Variants in EML5 observed in about 807,000 individuals in gnomAD.
EML5 encodes the protein echinoderm microtubule-associated protein-like 5.
A neutral mutation model predicts 250.0 loss-of-function variants in EML5; 120 were observed. That is an observed-to-expected ratio of 0.48 (90% CI 0.41 to 0.56). EML5 has a LOEUF of 0.56. EML5 is among the 20% of genes least tolerant of loss of function. EML5 has a pLI of 0.00. For missense variants in EML5, 2,006 were observed against 2,437.6 expected (o/e 0.82, Z 3.73); for synonymous variants, 771 against 806.5 (o/e 0.96, Z 0.75).
At chr14:88,714,223 T>C (rs111535729) in intron 9 of EML5, among the ~76,000 whole-genome samples, 1 of 152,172 alleles carries the variant, frequency 6.6e-6, no homozygotes, top group African/African-American at 2.4e-5. Context: ...GTTCCACCCA[T>C]AAAAATGGCA....
chr14:88,765,493 C>G (rs542092297), intron 1 of EML5, among the ~76,000 whole-genome samples: 1 of 152,164 alleles, frequency 6.6e-6, no homozygotes, highest in African/African-American at 2.4e-5. Context: ...TTGAATCTTT[C>G]TGACTTCTGC....
intron 8 of EML5, among the ~76,000 whole-genome samples, chr14:88,724,393 T>C (rs2093636797): frequency 6.6e-6 from 1 of 152,044 alleles, no homozygotes. Flanking sequence ...AAGAAGACCA[T>C]TTTGTGAGTT....
chr14:88,786,715 G>A lies in EML5; in HGVS notation c.197+5592C>T, dbSNP rs1032427919. ...TCACGAGATCTGATGGTTTCATCAG[G>A]GGTTTCGGCTTTTGCATCTTCCTCA... On this transcript the variant is annotated intron_variant, in intron 1 of 43. Transcript: ENST00000554922. 1.8e-4 allele frequency among the ~76,000 whole-genome samples: 27 copies of A among 152,068 alleles called. 1 individual carries two copies. Among genetic ancestry groups the A allele is most frequent in the Admixed American group, 9.8e-4 (15 of 15,248 alleles).
Position 88,661,888 on chromosome 14 carries a change from C to G in EML5, c.3499-58G>C, listed in dbSNP as rs973799828. The G allele has an allele frequency of 2.7e-5, 39 of 1,442,300 alleles. No homozygotes were observed. The Admixed American group carries it at 8.7e-4, about 32-fold the overall frequency. 89.3% of individuals were successfully genotyped at this position (1,442,300 alleles called of 1,614,324 possible). On this transcript the variant is annotated intron_variant, in intron 24 of 43. Transcript: ENST00000554922. The stretch of plus-strand genomic sequence containing the variant: ...TTATCCAAACCTAAAGTATTAACAA[C>G]CAAAATGTAAACATTTTTCTTTGTA...
At position 88,681,856 on chromosome 14, in the gene EML5, G is replaced by T. The variant is rs765975657; in HGVS notation, c.3124+34C>A. On this transcript the variant is annotated intron_variant, in intron 21 of 43. Coordinates refer to ENST00000554922, the MANE Select transcript of EML5 (RefSeq NM_183387.3). ...TTGTAAAGGTTAGAAAACTGTGAGA[G>T]CTTAATCTACGTTCAAGTGTGAGAG... 4.5e-6 allele frequency: 7 copies of T among 1,561,266 alleles called. No homozygotes were observed. The South Asian group carries it at 6.1e-5, about 14-fold the overall frequency.
At position 88,612,875 on chromosome 14, in the gene EML5, G is replaced by C. The variant is rs1233106707; in HGVS notation, c.*2943C>G. The C allele has an allele frequency of 6.6e-6, 1 of 152,170 alleles. No homozygotes were observed. The allele number at this position is 152,170 out of a possible 1,614,324, so 9.4% of individuals were successfully genotyped here. The stretch of plus-strand genomic sequence containing the variant: ...AACAGATCACTGATTTCAAAGACTT[G>C]GTGTATAGTGTTAAAAATTAAAGCT... On this transcript the variant is annotated 3_prime_UTR_variant, in exon 44 of 44. Coordinates refer to ENST00000554922, the MANE Select transcript of EML5 (RefSeq NM_183387.3).
intron 33 of EML5, among the ~76,000 whole-genome samples, chr14:88,630,764 T>C (rs2090396646): frequency 6.6e-6 from 1 of 152,204 alleles, no homozygotes; most frequent in African/African-American, 2.4e-5. Context: ...ATTTTTTTGC[T>C]TCTTTCCCAC....
intron 1 of EML5, among the ~76,000 whole-genome samples, chr14:88,788,734 G>C (rs531775494): frequency 3.3e-5 from 5 of 152,030 alleles, no homozygotes; most frequent in Non-Finnish European, 7.4e-5. Flanking sequence ...TTTGCTTACG[G>C]GAAGTACCTA....
chr14:88,616,918 T>G (rs760967063), intron 41 of EML5, 39 bp from the exon 42 acceptor site: 2 of 1,598,438 alleles, frequency 1.3e-6, no homozygotes, highest in African/African-American at 1.3e-5. Context: ...TCATGGCAAG[T>G]GCGGGCAGGT....
At chr14:88,734,815 A>G (rs113905377) in intron 7 of EML5, among the ~76,000 whole-genome samples, 10 of 152,318 alleles carry the variant, frequency 6.6e-5, no homozygotes, top group African/African-American at 2.2e-4. Context: ...CAAATCCAGA[A>G]TGTGGGAAAC....
intron 36 of EML5, 153 bp from the exon 37 acceptor site, chr14:88,622,871 C>A: frequency 2.0e-6 from 1 of 498,134 alleles, no homozygotes; most frequent in Non-Finnish European, 3.5e-6. Context: ...CTTTCTATGG[C>A]AATTTGAGGA....
At chr14:88,755,658 C>A (rs181475944) in intron 1 of EML5, among the ~76,000 whole-genome samples, 4 of 152,026 alleles carry the variant, frequency 2.6e-5, no homozygotes, top group South Asian at 2.1e-4. Flanking sequence ...CCTGGCATCA[C>A]GGTGGAGAAT....
At chr14:88,627,286 A>G (rs997550404) in intron 34 of EML5, 15 of 543,974 alleles carry the variant, frequency 2.8e-5, no homozygotes, top group Non-Finnish European at 4.9e-5. Flanking sequence ...AAAGTGTGGT[A>G]GGTAATATTA....
intron 36 of EML5, 177 bp from the exon 37 acceptor site, chr14:88,622,895 A>G (rs1144913): frequency 0.39 from 168,807 of 429,184 alleles, 38,004 homozygotes; most frequent in Middle Eastern, 0.48. Flanking sequence ...ACTATATCTC[A>G]GTCAAAATAA....
chr14:88,646,738 TAA>T (rs1238288232), intron 29 of EML5, among the ~76,000 whole-genome samples: 2 of 152,134 alleles, frequency 1.3e-5, no homozygotes, highest in Non-Finnish European at 2.9e-5. Context: ...GTTGAATGGA[TAA>T]GTTTTAGTAA....
At position 88,644,484 on chromosome 14, in the gene EML5, C is replaced by T. The variant is rs781055275; in HGVS notation, c.4056G>A (p.Gln1352=). The T allele has an allele frequency of 5.0e-6, 8 of 1,613,684 alleles. No individual in the cohort carries two copies. In the Admixed American group the frequency reaches 1.3e-4, roughly 27 times the overall value. The stretch of plus-strand genomic sequence containing the variant: ...CATTGTTTGTCTGGAGTTTCTCTGG[C>T]TGTGGTGGGGCCCTGCTCACTGGAG... The part of the protein sequence containing the change: ...SRPPVSRAPP[Q]PEKLQTNNVG... Residue 1352 remains glutamine, a synonymous_variant, in exon 30 of 44, where the codon CAG becomes CAA. Coordinates refer to ENST00000554922, the MANE Select transcript of EML5 (RefSeq NM_183387.3).
intron 1 of EML5, among the ~76,000 whole-genome samples, chr14:88,769,007 C>T (rs1186202671): frequency 1.3e-5 from 2 of 152,174 alleles, no homozygotes; most frequent in African/African-American, 2.4e-5. Context: ...GCAATATCAT[C>T]TCCGAAGGGG....
At chr14:88,698,351 C>T (rs2093129737) in intron 14 of EML5, among the ~76,000 whole-genome samples, 4 of 150,616 alleles carry the variant, frequency 2.7e-5, no homozygotes, top group South Asian at 2.1e-4. Flanking sequence ...CTGCGACCTC[C>T]GCCTCCCAGG....
intron 1 of EML5, among the ~76,000 whole-genome samples, chr14:88,767,241 C>T (rs568120738): frequency 2.0e-5 from 3 of 152,214 alleles, no homozygotes; most frequent in Non-Finnish European, 4.4e-5. Flanking sequence ...AGTGCTACCA[C>T]ATGTACACAC....
Sources: allele counts gnomAD v4.1 joint callset (sites outside exome capture counted in the v4.1 genomes callset), GRCh38; gene constraint gnomAD v4.1.1; transcripts MANE v1.5; gene names NCBI Gene and HGNC (gene_info 2026-07-23, HGNC 2026-07-21).